The following PLCXD3 variants were observed in gnomAD, a reference collection of about 807,000 sequenced individuals.
PLCXD3 encodes the protein phosphatidylinositol specific phospholipase C X domain containing 3, also known as PI-PLC X domain-containing protein 3.
A neutral mutation model predicts 25.5 loss-of-function variants in PLCXD3; 19 were observed. The ratio of observed to expected loss-of-function variants is 0.75; its 90% CI spans 0.52 to 1.09. The LOEUF is 1.09. Among genes scored for constraint, PLCXD3 ranks in the 50% least tolerant of loss-of-function variants. PLCXD3 has a pLI of 0.00. For missense variants in PLCXD3, 411 were observed against 388.1 expected (o/e 1.06, Z -0.50); for synonymous variants, 174 against 137.6 (o/e 1.26, Z -1.85).
At chr5:41,352,303 C>T (rs1324534984) in intron 2 of PLCXD3, among the ~76,000 whole-genome samples, 1 of 152,194 alleles carries the variant, frequency 6.6e-6, no homozygotes, top group Admixed American at 6.5e-5. Context: ...CTTCCTCCGA[C>T]TTGCATATAG....
In PLCXD3 at chr5:41,358,809, G is replaced by C. The variant is rs190671445; in HGVS notation, c.812+23017C>G. On this transcript the variant is annotated intron_variant, in intron 2 of 2. Transcript: ENST00000377801. The stretch of plus-strand genomic sequence containing the variant: ...TGTCTTGTTCCAGTTCTCAGGGGGA[G>C]TGCTTTCAACTTTTCCCTGTTTAAT... Among the ~76,000 whole-genome samples, 14 of 152,248 alleles carry C rather than the reference G, an allele frequency of 9.2e-5. 1 individual carries two copies. The South Asian group carries it at 1.2e-3, about 14-fold the overall frequency.
chr5:41,310,725 T>G lies in PLCXD3; in HGVS notation c.*2892A>C, dbSNP rs1464267019. On this transcript the variant is annotated 3_prime_UTR_variant, in exon 3 of 3. Coordinates refer to ENST00000377801, the MANE Select transcript of PLCXD3 (RefSeq NM_001005473.3). ...GGACTCCCTTTTAGTAAACTCCCCC[T>G]CTAGCTGGAGGACCCATGGTTCCCT... 3.9e-5 allele frequency: 6 copies of G among 152,636 alleles called. No homozygotes were observed. The highest frequency in any genetic ancestry group is 5.9e-5 in the Non-Finnish European group (4 of 68,086). The allele number at this position is 152,636 out of a possible 1,614,324, so 9.5% of individuals were successfully genotyped here. A position where few individuals can be genotyped will look rare whatever the true frequency, so the allele number is the denominator to read the frequency against.
intron 1 of PLCXD3, among the ~76,000 whole-genome samples, chr5:41,470,348 A>C (rs1748124072): frequency 6.6e-6 from 1 of 151,862 alleles, no homozygotes; most frequent in South Asian, 2.1e-4. Context: ...ATACTGATGA[A>C]AAGAAAGACA....
intron 1 of PLCXD3, among the ~76,000 whole-genome samples, chr5:41,434,670 A>G (rs1004532951): frequency 3.3e-5 from 5 of 152,234 alleles, no homozygotes; most frequent in Non-Finnish European, 5.9e-5. Context: ...GAAGCTTGGA[A>G]TGGGTTCTTG....
At chr5:41,496,547 A>G (rs1200619060) in intron 1 of PLCXD3, among the ~76,000 whole-genome samples, 1 of 151,698 alleles carries the variant, frequency 6.6e-6, no homozygotes, top group Non-Finnish European at 1.5e-5. Flanking sequence ...AGGAAGTAGA[A>G]TAATAACAAC....
At chr5:41,442,768 T>C (rs1039628265) in intron 1 of PLCXD3, among the ~76,000 whole-genome samples, 1 of 152,158 alleles carries the variant, frequency 6.6e-6, no homozygotes, top group East Asian at 1.9e-4. Flanking sequence ...TAGCCCTTAA[T>C]CCCTTCCCTC....
At chr5:41,314,406 T>TA (rs149745123) in intron 2 of PLCXD3, among the ~76,000 whole-genome samples, 1 of 152,346 alleles carries the variant, frequency 6.6e-6, no homozygotes, top group African/African-American at 2.4e-5. Context: ...CTGTGGAGCT[T>TA]ACATTCTCAT....
intron 1 of PLCXD3, among the ~76,000 whole-genome samples, chr5:41,413,388 A>C (rs779197483): frequency 1.3e-5 from 2 of 152,248 alleles, no homozygotes; most frequent in African/African-American, 2.4e-5. Context: ...CAAATGAGCA[A>C]ACATGCATTG....
chr5:41,391,333 G>C (rs1745809041), intron 1 of PLCXD3, among the ~76,000 whole-genome samples: 1 of 152,170 alleles, frequency 6.6e-6, no homozygotes, highest in Non-Finnish European at 1.5e-5. Flanking sequence ...AAAGGGAAGA[G>C]TTGAGAGGAG....
intron 1 of PLCXD3, chr5:41,456,446 T>G: frequency 1.8e-6 from 1 of 568,200 alleles, no homozygotes; most frequent in Non-Finnish European, 2.2e-6. Context: ...CTAAAAGAGA[T>G]AAATTCAGGA....
chr5:41,355,513 C>T (rs548396026), intron 2 of PLCXD3, among the ~76,000 whole-genome samples: 49 of 152,352 alleles, frequency 3.2e-4, no homozygotes, highest in African/African-American at 1.0e-3. Flanking sequence ...TGAACTCAGT[C>T]AGCCATCAGT....
chr5:41,462,059 A>C (rs1383647143), intron 1 of PLCXD3, among the ~76,000 whole-genome samples: 1 of 151,988 alleles, frequency 6.6e-6, no homozygotes, highest in Middle Eastern at 3.2e-3. Context: ...AGGTTTTAGA[A>C]AGGCGTTTAA....
intron 2 of PLCXD3, among the ~76,000 whole-genome samples, chr5:41,356,601 T>A (rs961461028): frequency 4.6e-5 from 7 of 152,220 alleles, no homozygotes; most frequent in Non-Finnish European, 1.5e-5. Context: ...GGATCCCTGT[T>A]TTTAAAAATG....
intron 2 of PLCXD3, among the ~76,000 whole-genome samples, chr5:41,315,948 C>T (rs1743277072): frequency 6.6e-6 from 1 of 152,194 alleles, no homozygotes; most frequent in Admixed American, 6.5e-5. Context: ...TGTTCTGTGT[C>T]TCCAAGTAAA....
At chr5:41,482,409 C>G (rs975823784) in intron 1 of PLCXD3, among the ~76,000 whole-genome samples, 4 of 152,114 alleles carry the variant, frequency 2.6e-5, no homozygotes, top group African/African-American at 9.7e-5. Context: ...ACTTACAAAT[C>G]TAGGAAGAGA....
At chr5:41,344,686 A>C (rs558130677) in intron 2 of PLCXD3, among the ~76,000 whole-genome samples, 75 of 151,986 alleles carry the variant, frequency 4.9e-4, no homozygotes, top group Non-Finnish European at 6.8e-4. Context: ...AAATTACAAT[A>C]TTAAGTTCCT....
At chr5:41,340,102 G>A (rs1195361322) in intron 2 of PLCXD3, among the ~76,000 whole-genome samples, 3 of 152,012 alleles carry the variant, frequency 2.0e-5, no homozygotes, top group African/African-American at 7.2e-5. Flanking sequence ...TGCATTAACT[G>A]CATGCCTTTG....
At chr5:41,491,619 TG>T (rs1386291372) in intron 1 of PLCXD3, among the ~76,000 whole-genome samples, 1 of 152,152 alleles carries the variant, frequency 6.6e-6, no homozygotes, top group African/African-American at 2.4e-5. Flanking sequence ...TGGGTGCTCC[TG>T]TGTTGGGTGC....
At chr5:41,412,033 C>A (rs1001710011) in intron 1 of PLCXD3, among the ~76,000 whole-genome samples, 1 of 151,600 alleles carries the variant, frequency 6.6e-6, no homozygotes, top group Non-Finnish European at 1.5e-5. Context: ...ATTTAGAGCA[C>A]ACACAGACAC....
Sources: gnomAD v4.1 joint callset for allele counts (sites outside exome capture counted in the v4.1 genomes callset) on GRCh38, gnomAD v4.1.1 for gene constraint, MANE v1.5 for transcripts, NCBI Gene and HGNC (gene_info 2026-07-23, HGNC 2026-07-21) for gene names.